The following MRPS6 variants were observed in gnomAD, a reference collection of about 807,000 sequenced individuals.
MRPS6 encodes small ribosomal subunit protein bS6m.
In MRPS6, 6 loss-of-function variants were observed where a neutral mutation model predicts 13.1. The ratio of observed to expected loss-of-function variants is 0.46; its 90% confidence interval spans 0.25 to 0.91. The LOEUF (loss-of-function observed/expected upper bound fraction) is 0.91, where lower values mean the gene tolerates loss of function less well. Ranked by LOEUF, MRPS6 falls within the 40% of genes least tolerant of loss-of-function variation. The pLI, the probability that MRPS6 is intolerant of heterozygous loss-of-function variation, is 0.18. For synonymous variants in MRPS6, 61 were observed against 56.5 expected (o/e 1.08, Z -0.36); for missense variants, 164 against 155.6 (o/e 1.05, Z -0.29).
chr21:34,124,857 C>T (rs1980245274), intron 1 of MRPS6: 1 of 154,100 alleles, frequency 6.5e-6, no homozygotes, highest in South Asian at 2.0e-4. Flanking sequence ...TCCTTTCCCC[C>T]TTTTGGTTAC....
intron 2 of MRPS6, among the ~76,000 whole-genome samples, chr21:34,127,213 A>C (rs962370229): frequency 5.9e-5 from 9 of 152,224 alleles, no homozygotes; most frequent in African/African-American, 2.2e-4. Context: ...TATGTGTATT[A>C]TATATAGACA....
At chr21:34,107,190 C>T (rs1979515411) in intron 1 of MRPS6, among the ~76,000 whole-genome samples, 1 of 152,178 alleles carries the variant, frequency 6.6e-6, no homozygotes, top group Non-Finnish European at 1.5e-5. Context: ...CCTCAGCTTC[C>T]CAAAGTGCTG....
At chr21:34,126,388 C>T (rs954841326) in intron 2 of MRPS6, among the ~76,000 whole-genome samples, 1 of 152,236 alleles carries the variant, frequency 6.6e-6, no homozygotes. Flanking sequence ...TCGCGTCTCA[C>T]ATCGAGGCTT....
At chr21:34,103,580 C>T (rs535881858) in intron 1 of MRPS6, 7 of 1,000,120 alleles carry the variant, frequency 7.0e-6, no homozygotes, top group Admixed American at 1.2e-4. Context: ...AGCACAAAAT[C>T]GTGTTCACAC....
intron 1 of MRPS6, chr21:34,105,622 CATTTT>C: frequency 2.0e-6 from 2 of 999,876 alleles, no homozygotes; most frequent in Non-Finnish European, 1.2e-6. Flanking sequence ...GTACATGTGT[CATTTT>C]AGTTAGGCAT....
chr21:34,116,024 C>T (rs547247901), intron 1 of MRPS6, among the ~76,000 whole-genome samples: 1 of 151,604 alleles, frequency 6.6e-6, no homozygotes, highest in Non-Finnish European at 1.5e-5. Flanking sequence ...CCCATCCCAA[C>T]CCCGACAGGG....
chr21:34,081,773 C>T (rs542216429), intron 1 of MRPS6, among the ~76,000 whole-genome samples: 3 of 152,250 alleles, frequency 2.0e-5, no homozygotes, highest in South Asian at 2.1e-4. Context: ...TTAGGCAAGT[C>T]GCTGTGAACT....
chr21:34,089,659 C>G (rs1239816633), intron 1 of MRPS6, among the ~76,000 whole-genome samples: 1 of 152,032 alleles, frequency 6.6e-6, no homozygotes, highest in Admixed American at 6.5e-5. Context: ...TTAACCCCTC[C>G]CCACTCCTGT....
chr21:34,087,346 A>G (rs1042761302), intron 1 of MRPS6, among the ~76,000 whole-genome samples: 1 of 152,172 alleles, frequency 6.6e-6, no homozygotes, highest in African/African-American at 2.4e-5. Context: ...GAAGTTTAGC[A>G]GTCTTGATGG....
intron 1 of MRPS6, among the ~76,000 whole-genome samples, chr21:34,111,329 A>T (rs1299024651): frequency 6.6e-6 from 1 of 152,074 alleles, no homozygotes; most frequent in Non-Finnish European, 1.5e-5. Context: ...CAGCACCACC[A>T]CCCGCTTCCT....
intron 1 of MRPS6, among the ~76,000 whole-genome samples, chr21:34,121,989 A>G (rs1288318983): frequency 1.3e-5 from 2 of 152,090 alleles, no homozygotes. Flanking sequence ...CTACCTGATG[A>G]CACATCCAGT....
chr21:34,083,198 C>T (rs962623891), intron 1 of MRPS6, among the ~76,000 whole-genome samples: 1 of 152,120 alleles, frequency 6.6e-6, no homozygotes, highest in Non-Finnish European at 1.5e-5. Context: ...TGGATATAAT[C>T]CAGTTTGAGA....
At chr21:34,120,359 A>G (rs1470871122) in intron 1 of MRPS6, among the ~76,000 whole-genome samples, 2 of 152,178 alleles carry the variant, frequency 1.3e-5, no homozygotes, top group African/African-American at 4.8e-5. Flanking sequence ...ATACAGCTGT[A>G]TATTTTTGGA....
intron 2 of MRPS6, among the ~76,000 whole-genome samples, chr21:34,136,293 A>G (rs1200789501): frequency 6.6e-6 from 1 of 152,014 alleles, no homozygotes; most frequent in African/African-American, 2.4e-5. Flanking sequence ...GATTACAGGC[A>G]CGTGCCACCA....
intron 1 of MRPS6, among the ~76,000 whole-genome samples, chr21:34,083,892 A>G (rs1401172688): frequency 6.6e-6 from 1 of 152,176 alleles, no homozygotes; most frequent in Non-Finnish European, 1.5e-5. Flanking sequence ...AACTATTGAT[A>G]ATTTCAAGAT....
At chr21:34,125,707 G>A (rs1980280992) in intron 2 of MRPS6, among the ~76,000 whole-genome samples, 1 of 152,124 alleles carries the variant, frequency 6.6e-6, no homozygotes, top group African/African-American at 2.4e-5. Flanking sequence ...GGAGCAAAGG[G>A]CTTACCAAGT....
intron 2 of MRPS6, among the ~76,000 whole-genome samples, chr21:34,134,746 G>A (rs144948842): frequency 0.011 from 1,600 of 151,882 alleles, 18 homozygotes; most frequent in Non-Finnish European, 0.016. Context: ...GATTGCAGAT[G>A]CAGTAGAAGC....
intron 1 of MRPS6, among the ~76,000 whole-genome samples, chr21:34,119,140 G>T (rs554486924): frequency 6.6e-6 from 1 of 152,124 alleles, no homozygotes; most frequent in Non-Finnish European, 1.5e-5. Context: ...TCAATAAATT[G>T]TTGGGCAAAA....
At chr21:34,118,011 G>C (rs1409316654) in intron 1 of MRPS6, among the ~76,000 whole-genome samples, 5 of 152,032 alleles carry the variant, frequency 3.3e-5, no homozygotes, top group African/African-American at 1.2e-4. Context: ...CACTTGAAAA[G>C]CCTGACCTGT....
Sources: allele counts gnomAD v4.1 joint callset (sites outside exome capture counted in the v4.1 genomes callset), GRCh38; gene constraint gnomAD v4.1.1; transcripts MANE v1.5; gene names NCBI Gene and HGNC (gene_info 2026-07-23, HGNC 2026-07-21).